The following TRIM37 variants were observed in gnomAD, a reference collection of about 807,000 sequenced individuals.
TRIM37 encodes the protein E3 ubiquitin-protein ligase TRIM37.
TRIM37 carries 80 observed loss-of-function variants against 129.8 expected under a neutral mutation model. The observed-to-expected ratio is 0.62, with a 90% confidence interval of 0.51 to 0.74. The LOEUF (loss-of-function observed/expected upper bound fraction) is 0.74. Among genes scored for constraint, TRIM37 ranks in the 30% least tolerant of loss-of-function variants. TRIM37 has a pLI of 0.00. For synonymous variants in TRIM37, 389 were observed against 387.1 expected, an observed-to-expected ratio of 1.00 and a Z score of -0.06; for missense variants, 1,054 against 1,176.5, an observed-to-expected ratio of 0.90 and a Z score of 1.52.
At chr17:58,980,639 T>C, downstream of TRIM37, 1 of 1,613,978 alleles carries the variant, frequency 6.2e-7, no homozygotes, top group Middle Eastern at 1.6e-4. The surrounding 1 kb of genome is among the most constrained non-coding windows in gnomAD (Gnocchi z 4.7). Context: ...TGCTGGAGAG[T>C]TTCCCACTGC....
intron 19 of TRIM37, 82 bp downstream of exon 19, chr17:59,028,333 A>T (rs1464556249): frequency 7.5e-7 from 1 of 1,339,066 alleles, no homozygotes; most frequent in Non-Finnish European, 1.0e-6. Flanking sequence ...AGTGGTATTT[A>T]AATATTATTC....
intron 10 of TRIM37, 74 bp downstream of exon 10, chr17:59,064,281 C>A: frequency 8.5e-7 from 1 of 1,171,116 alleles, no homozygotes; most frequent in South Asian, 1.4e-5. Flanking sequence ...AGATTACTGT[C>A]TTACCAAAGA....
At chr17:58,984,774 T>G (rs1158616694) in intron 24 of TRIM37, 3 of 152,522 alleles carry the variant, frequency 2.0e-5, no homozygotes, top group Non-Finnish European at 2.9e-5. Flanking sequence ...CAGCATTTTA[T>G]CTTCTATTTT....
intron 22 of TRIM37, among the ~76,000 whole-genome samples, chr17:59,005,597 TA>T (rs1268713154): frequency 1.3e-5 from 2 of 152,192 alleles, no homozygotes; most frequent in Non-Finnish European, 2.9e-5. Context: ...TGTGTATCTT[TA>T]AAACAAATCA....
At chr17:59,066,007 G>A (rs775574112) in intron 9 of TRIM37, among the ~76,000 whole-genome samples, 9 of 152,090 alleles carry the variant, frequency 5.9e-5, no homozygotes, top group Admixed American at 2.0e-4. Context: ...ATCCTTCTTA[G>A]AAGACTCACA....
chr17:59,074,058 ATG>A (rs1047038595), intron 8 of TRIM37, among the ~76,000 whole-genome samples: 14 of 152,236 alleles, frequency 9.2e-5, no homozygotes, highest in Admixed American at 3.3e-4. Context: ...ATACATAATA[ATG>A]TGTTATATTT....
At position 59,028,593 on chromosome 17, in the gene TRIM37, C is replaced by G. The variant is rs766706035; in HGVS notation, c.2079G>C (p.Lys693Asn). 6.2e-7 allele frequency: 1 copy of G among 1,614,170 alleles called. No homozygotes were observed. The highest frequency in any genetic ancestry group is 8.5e-7 in the Non-Finnish European group (1 of 1,180,030). The change falls in exon 19 of 24, where the codon AAG becomes AAC. Residue 693 changes from lysine (K) to asparagine (N), a missense_variant. Physicochemically the swap from Lys to Asn is moderately conservative, Grantham distance 94. Coordinates refer to ENST00000262294, the MANE Select transcript of TRIM37 (RefSeq NM_015294.6). ...AEVRCMKTDV[K>N]NTLSEIKSSS... ...TGCTTTTTATTTCTGAAAGTGTATTCTTTACATCAGTTTTCATACATCGAA... is the reference window on the plus strand; with the variant it reads ...TGCTTTTTATTTCTGAAAGTGTATTGTTTACATCAGTTTTCATACATCGAA...
intron 24 of TRIM37, among the ~76,000 whole-genome samples, chr17:58,988,815 C>G (rs564483395): frequency 2.0e-5 from 3 of 152,272 alleles, no homozygotes; most frequent in Admixed American, 2.0e-4. Context: ...AACTCGAGAC[C>G]ACTAAGGATA....
chr17:59,049,066 T>C (rs2040094381), intron 15 of TRIM37, 112 bp downstream of exon 15: 1 of 843,592 alleles, frequency 1.2e-6, no homozygotes, highest in African/African-American at 1.7e-5. Context: ...CTAATGGAAA[T>C]CAATGGACAA....
chr17:59,054,341 G>A (rs542422048), intron 13 of TRIM37, among the ~76,000 whole-genome samples: 1 of 151,626 alleles, frequency 6.6e-6, no homozygotes, highest in East Asian at 1.9e-4. Context: ...CACTCTTGTC[G>A]CCCAGGCTGG....
chr17:58,969,502 C>A, the TRIM37 span: 3 of 1,604,374 alleles, frequency 1.9e-6, no homozygotes, highest in South Asian at 1.1e-5. Flanking sequence ...TCATGCTATA[C>A]CCAACTCCCA....
chr17:58,985,846 A>T (rs2031755799), intron 24 of TRIM37, among the ~76,000 whole-genome samples: 1 of 152,202 alleles, frequency 6.6e-6, no homozygotes, highest in Non-Finnish European at 1.5e-5. Flanking sequence ...GCATGACTTT[A>T]TATAGAACCA....
chr17:59,035,535 C>T (rs2038368852), intron 17 of TRIM37, among the ~76,000 whole-genome samples: 1 of 151,276 alleles, frequency 6.6e-6, no homozygotes, highest in East Asian at 2.0e-4. Flanking sequence ...AGGTGGATTA[C>T]GAGGTCAGGA....
intron 22 of TRIM37, among the ~76,000 whole-genome samples, chr17:59,004,369 T>A (rs2034194406): frequency 1.3e-5 from 2 of 151,664 alleles, no homozygotes; most frequent in Admixed American, 1.3e-4. Flanking sequence ...AGAAAATATC[T>A]CAAATCAATA....
chr17:58,968,957 T>C, the TRIM37 span, among the ~76,000 whole-genome samples: 3 of 152,250 alleles, frequency 2.0e-5, no homozygotes, highest in African/African-American at 7.2e-5. Context: ...GATGCTGTGC[T>C]ATTTGTGGTG....
intron 2 of TRIM37, among the ~76,000 whole-genome samples, chr17:59,099,977 A>G (rs1471794916): frequency 6.6e-6 from 1 of 151,960 alleles, no homozygotes; most frequent in African/African-American, 2.4e-5. Flanking sequence ...CTAATTTTGT[A>G]TTTTTGGTAG....
chr17:59,024,369 T>C lies in TRIM37; in HGVS notation c.2257+4046A>G, dbSNP rs146664571. Among the ~76,000 whole-genome samples the C allele has an allele frequency of 2.4e-3, 361 of 152,090 alleles. 4 individuals are homozygous for C. The highest frequency in any genetic ancestry group is 8.3e-3 in the African/African-American group (345 of 41,464). On this transcript the variant is annotated intron_variant, in intron 19 of 23. Coordinates refer to ENST00000262294, the MANE Select transcript of TRIM37 (RefSeq NM_015294.6). ...CAACAGCTACCTAAGATATAATACA[T>C]TGAGAAATGAATTTAACAAGACATA...
intron 1 of TRIM37, among the ~76,000 whole-genome samples, chr17:59,104,889 C>T (rs1007433817): frequency 2.0e-5 from 3 of 151,832 alleles, no homozygotes; most frequent in Non-Finnish European, 4.4e-5. Context: ...GTCGGGAGTT[C>T]GAGACCAACC....
At chr17:59,011,734 A>G (rs577687821) in intron 22 of TRIM37, among the ~76,000 whole-genome samples, 27 of 152,352 alleles carry the variant, frequency 1.8e-4, no homozygotes, top group South Asian at 1.0e-3. Context: ...ACAGCTGAGA[A>G]CAAGCTGAAG....
Sources: allele counts gnomAD v4.1 joint callset (sites outside exome capture counted in the v4.1 genomes callset), GRCh38; gene constraint gnomAD v4.1.1; non-coding constraint Gnocchi (gnomAD v3.1); transcripts MANE v1.5; gene names NCBI Gene and HGNC (gene_info 2026-07-23, HGNC 2026-07-21).